ATG4B: variants seen among roughly 807,000 people sequenced by gnomAD.
ATG4B encodes the protein autophagy related 4B cysteine peptidase.
ATG4B carries 29 observed loss-of-function variants against 56.6 expected under a neutral mutation model. That is an observed-to-expected ratio of 0.51 (90% CI 0.38 to 0.70). The LOEUF is 0.70. Among genes scored for constraint, ATG4B ranks in the 30% least tolerant of loss-of-function variants. The pLI is 0.00. For synonymous variants in ATG4B, 224 were observed against 206.1 expected, an observed-to-expected ratio of 1.09 and a Z score of -0.74; for missense variants, 461 against 515.5, an observed-to-expected ratio of 0.89 and a Z score of 1.02.
At chr2:241,661,285 G>A (rs2068585782) in intron 7 of ATG4B, among the ~76,000 whole-genome samples, 1 of 152,222 alleles carries the variant, frequency 6.6e-6, no homozygotes, top group African/African-American at 2.4e-5. Flanking sequence ...TAGGAAGAAA[G>A]GCATCCACAT....
chr2:241,670,849 G>A (rs948387192), intron 11 of ATG4B, 67 bp downstream of exon 11: 3 of 1,495,530 alleles, frequency 2.0e-6, no homozygotes, highest in Non-Finnish European at 2.7e-6. Context: ...GGGGCGTGCA[G>A]GGGTCGAAGG....
Position 241,671,390 on chromosome 2 carries a change from C to T in ATG4B, c.1093C>T (p.Leu365=). Residue 365 remains leucine, a synonymous_variant, in exon 12 of 13, where the codon CTG becomes TTG. Transcript: ENST00000404914. ...QPSHLACPDV[L]NLSLDSSDVE... is the part of the protein sequence containing the mutation. ...TTCACATCTGGCCTGCCCCGACGTC[C>T]TGAACCTGTCCCTAGGTGAGAGCTG... is the stretch of plus-strand genomic sequence containing the variant. 6.2e-7 allele frequency: 1 copy of T among 1,613,658 alleles called. No homozygotes were observed. The highest frequency in any genetic ancestry group is 8.5e-7 in the Non-Finnish European group (1 of 1,179,816).
At chr2:241,649,056 C>T (rs950582715) in intron 1 of ATG4B, among the ~76,000 whole-genome samples, 3 of 152,158 alleles carry the variant, frequency 2.0e-5, no homozygotes, top group African/African-American at 7.2e-5. Context: ...TGTTGTTATC[C>T]CATTTTATGG....
intron 1 of ATG4B, among the ~76,000 whole-genome samples, chr2:241,645,882 C>T (rs974836943): frequency 2.8e-4 from 42 of 152,140 alleles, no homozygotes; most frequent in African/African-American, 9.4e-4. Context: ...TTTCTCTGGA[C>T]GGAGGAGCAG....
intron 7 of ATG4B, among the ~76,000 whole-genome samples, chr2:241,665,549 G>A (rs1037674859): frequency 2.6e-5 from 4 of 152,204 alleles, no homozygotes; most frequent in South Asian, 2.1e-4. Flanking sequence ...CATCCCACAC[G>A]CTGGATTTGT....
chr2:241,643,415 C>T (rs1266972391), intron 1 of ATG4B, among the ~76,000 whole-genome samples: 1 of 146,984 alleles, frequency 6.8e-6, no homozygotes, highest in Admixed American at 6.8e-5. Context: ...CTGTATTGCC[C>T]AGGCTGGTCT....
chr2:241,667,863 T>G, intron 8 of ATG4B: 1 of 436,400 alleles, frequency 2.3e-6, no homozygotes, highest in Non-Finnish European at 4.2e-6. Context: ...CCCGCACCCC[T>G]GCTCACATCT....
At chr2:241,639,835 A>G (rs982411538) in intron 1 of ATG4B, among the ~76,000 whole-genome samples, 4 of 152,236 alleles carry the variant, frequency 2.6e-5, no homozygotes, top group African/African-American at 4.8e-5. Flanking sequence ...AAAAGTAGGT[A>G]TATGTAAAAT....
intron 6 of ATG4B, among the ~76,000 whole-genome samples, chr2:241,657,580 G>A (rs369140286): frequency 7.4e-4 from 112 of 152,340 alleles, no homozygotes; most frequent in African/African-American, 2.5e-3. Flanking sequence ...TGGGATTACA[G>A]GCATGAGCCA....
rs1242860752 is a variant in ATG4B at position 241,673,477 on chromosome 2, G to A, written c.*1213G>A. 2.4e-6 allele frequency: 1 copy of A among 416,804 alleles called. No homozygotes were observed. The allele number at this position is 416,804 out of a possible 1,614,324, so 25.8% of individuals were successfully genotyped here. A position where few individuals can be genotyped will look rare whatever the true frequency, so the allele number is the denominator to read the frequency against. ...GGACTCGCTGCTGCTGCTGCTGCTT[G>A]TGTAGGTCGGGGAGCCAGAGATCCC... On this transcript the variant is annotated 3_prime_UTR_variant, in exon 13 of 13. Transcript: ENST00000404914.
In ATG4B at chr2:241,649,603, C is replaced by A. The variant is rs145506675; in HGVS notation, c.11-1407C>A. 6.9e-3 allele frequency among the ~76,000 whole-genome samples: 1,058 copies of A among 152,274 alleles called. 6 individuals are homozygous for A. Among genetic ancestry groups the A allele is most frequent in the Non-Finnish European group, 0.011 (724 of 68,012 alleles). On this transcript the variant is annotated intron_variant, in intron 1 of 12. Coordinates refer to ENST00000404914, the MANE Select transcript of ATG4B (RefSeq NM_013325.5). Reference sequence around the variant, plus strand: ...GGAGAGAGATGCCTCTGGTGCCGCCCCAGAATACGCAATGGGCATCTCGCC... The same window carrying A: ...GGAGAGAGATGCCTCTGGTGCCGCCACAGAATACGCAATGGGCATCTCGCC...
At position 241,651,182 on chromosome 2, in the gene ATG4B, T is replaced by C; in HGVS notation, c.112+71T>C. On this transcript the variant is annotated intron_variant, in intron 2 of 12. Transcript: ENST00000404914. This position sits in a 1 kb window ranked among gnomAD's most constrained non-coding sequence, Gnocchi z 4.1. ...CAGAAGCATTTTGTGATCACTGTTC[T>C]CTGCTAACTCTGCCATAACTTGTGA... is the stretch of plus-strand genomic sequence containing the variant. 6.4e-7 allele frequency: 1 copy of C among 1,554,468 alleles called. No homozygotes were observed. The highest frequency in any genetic ancestry group is 1.2e-5 in the South Asian group (1 of 85,872).
At chr2:241,666,963 C>G in intron 8 of ATG4B, 125 bp downstream of exon 8, 1 of 1,140,254 alleles carries the variant, frequency 8.8e-7, no homozygotes, top group Non-Finnish European at 1.2e-6. Context: ...GGGTAAACAA[C>G]CCTGGTTTAC....
chr2:241,657,430 C>T (rs566648907), intron 6 of ATG4B, among the ~76,000 whole-genome samples: 6 of 151,980 alleles, frequency 3.9e-5, no homozygotes, highest in African/African-American at 1.2e-4. Context: ...TTAGCCTCTT[C>T]AGTAGCTGGG....
chr2:241,659,489 T>A (rs1223886425), intron 7 of ATG4B: 1 of 421,958 alleles, frequency 2.4e-6, no homozygotes, highest in Admixed American at 3.3e-5. Context: ...GGCGCCCTCG[T>A]GTGGGAATTC....
In ATG4B at chr2:241,668,398, C is replaced by A; in HGVS notation, c.812-142C>A. The A allele has an allele frequency of 6.5e-6, 9 of 1,380,910 alleles. No homozygotes were observed. The highest frequency in any genetic ancestry group is 9.0e-6 in the Non-Finnish European group (9 of 1,001,880). 85.5% of individuals were successfully genotyped at this position (1,380,910 alleles called of 1,614,324 possible). A position where few individuals can be genotyped will look rare whatever the true frequency, so the allele number is the denominator to read the frequency against. On this transcript the variant is annotated intron_variant, in intron 9 of 12. Coordinates refer to ENST00000404914, the MANE Select transcript of ATG4B (RefSeq NM_013325.5). This position sits in a 1 kb window ranked among gnomAD's most constrained non-coding sequence, Gnocchi z 4.2. ...CCTGTGTGCCCCTTTCCCTGATGGT[C>A]TGGTGCCCTCGGCTCCCTCCCCACC...
In ATG4B at chr2:241,668,028, C is replaced by G. The variant is rs2125145934; in HGVS notation, c.733-115C>G. On this transcript the variant is annotated intron_variant, in intron 8 of 12. Coordinates refer to ENST00000404914, the MANE Select transcript of ATG4B (RefSeq NM_013325.5). The surrounding 1 kb of genome is among the most constrained non-coding windows in gnomAD (Gnocchi z 4.2). The stretch of plus-strand genomic sequence containing the variant: ...CTTTGGTACCATGTCCCCTCCTGTC[C>G]CCTCTTGTGTCACCCAGTTGGGCCT... The G allele has an allele frequency of 1.0e-6, 1 of 955,816 alleles. No individual in the cohort carries two copies. Among genetic ancestry groups the G allele is most frequent in the Non-Finnish European group, 1.6e-6 (1 of 640,496 alleles). 59.2% of individuals were successfully genotyped at this position (955,816 alleles called of 1,614,324 possible).
chr2:241,657,040 G>T (rs1378543218), intron 6 of ATG4B, among the ~76,000 whole-genome samples: 1 of 150,154 alleles, frequency 6.7e-6, no homozygotes, highest in Non-Finnish European at 1.5e-5. Flanking sequence ...GCAATCTTGG[G>T]CTCACTGCTT....
At chr2:241,649,635 G>C (rs923010688) in intron 1 of ATG4B, among the ~76,000 whole-genome samples, 2 of 152,244 alleles carry the variant, frequency 1.3e-5, no homozygotes, top group Admixed American at 1.3e-4. Flanking sequence ...CGCCACATGG[G>C]TGTTTGGGCT....
Sources: allele counts gnomAD v4.1 joint callset (sites outside exome capture counted in the v4.1 genomes callset), GRCh38; gene constraint gnomAD v4.1.1; non-coding constraint Gnocchi (gnomAD v3.1); transcripts MANE v1.5; gene names NCBI Gene and HGNC (gene_info 2026-07-23, HGNC 2026-07-21).